Variants in TRAPPC9 observed in about 807,000 individuals in gnomAD.
TRAPPC9 encodes trafficking protein particle complex subunit 9, also known as IKK2 binding protein.
In TRAPPC9, 83 loss-of-function variants were observed where a neutral mutation model predicts 124.0. The observed-to-expected ratio is 0.67, with a 90% CI of 0.56 to 0.80. The LOEUF is 0.80. Ranked by LOEUF, TRAPPC9 falls within the 30% of genes least tolerant of loss-of-function variation. The pLI is 0.00. For missense variants in TRAPPC9, 1,302 were observed against 1,508.3 expected (o/e 0.86, Z 2.27); for synonymous variants, 638 against 617.5 (o/e 1.03, Z -0.49).
At chr8:139,981,536 C>T (rs1488364355) in intron 19 of TRAPPC9, among the ~76,000 whole-genome samples, 5 of 152,148 alleles carry the variant, frequency 3.3e-5, no homozygotes, top group East Asian at 3.9e-4. Context: ...GAAGACTGGG[C>T]GCCACACGGT....
At chr8:140,360,741 T>A (rs1006259380) in intron 8 of TRAPPC9, among the ~76,000 whole-genome samples, 1 of 152,304 alleles carries the variant, frequency 6.6e-6, no homozygotes. Context: ...GAAAAGTATC[T>A]CTTTTTTTAA....
Position 140,405,590 on chromosome 8 carries a change from G to A in TRAPPC9, c.995C>T (p.Ser332Phe), listed in dbSNP as rs2069460713. ...CCATAAAATCACCTTGCTGTAATAG[G>A]AAATCGCCTCTTTATACTTGTCAAT... ...DIIDKYKEAI[S>F]YYSKYKNAGV... Residue 332 changes from serine to phenylalanine, a missense_variant, in exon 6 of 23, where the codon TCC becomes TTC. By Grantham distance (155) the Ser-to-Phe change is radical (BLOSUM62 -2). Around this residue, in one of 3 missense-constraint regions of TRAPPC9, gnomAD observed 657 missense variants for 811.2 expected, o/e 0.81. Transcript: ENST00000438773. 1 of 1,614,118 alleles carries A rather than the reference G, an allele frequency of 6.2e-7. No homozygotes were observed. The highest frequency in any genetic ancestry group is 8.5e-7 in the Non-Finnish European group (1 of 1,180,004).
At chr8:140,425,767 C>T (rs755118875) in intron 5 of TRAPPC9, among the ~76,000 whole-genome samples, 5 of 152,262 alleles carry the variant, frequency 3.3e-5, no homozygotes, top group Admixed American at 2.0e-4. Context: ...AAAGTCTGCC[C>T]GCCTGACTGT....
chr8:139,798,757 T>TA (rs1823271321), intron 21 of TRAPPC9, among the ~76,000 whole-genome samples: 1 of 152,210 alleles, frequency 6.6e-6, no homozygotes, highest in Non-Finnish European at 1.5e-5. Context: ...ATCTGAGAAA[T>TA]ACTCTTGCAT....
In TRAPPC9 at chr8:140,439,208, C is replaced by T. The variant is rs200391637; in HGVS notation, c.585-11G>A. ...CGCTTCTTGTAATGTCTAGAAAATA[C>T]ATGAAAATGTATCTTTATTACTATA... On this transcript the variant is annotated splice_polypyrimidine_tract_variant and intron_variant, in intron 2 of 22. Transcript: ENST00000438773. 1.1e-4 allele frequency: 171 copies of T among 1,613,934 alleles called. No individual in the cohort carries two copies. Among genetic ancestry groups the T allele is most frequent in the Non-Finnish European group, 1.4e-4 (160 of 1,179,932 alleles).
Position 139,905,064 on chromosome 8 carries a change from AAAG to A in TRAPPC9, c.2964+5080_2964+5082del, listed in dbSNP as rs1831263991. 2.0e-5 allele frequency among the ~76,000 whole-genome samples: 3 copies of A among 152,314 alleles called. No homozygotes were observed. In the South Asian group the frequency reaches 6.2e-4, roughly 32 times the overall value. On this transcript the variant is annotated intron_variant, in intron 20 of 22. Coordinates refer to ENST00000438773, the MANE Select transcript of TRAPPC9 (RefSeq NM_001160372.4). ...TAGCTGGAGGGTAAGAAGAAGCTTA[AAAG>A]AAGAAGGTACCAAAGGTAGGTAGGT...
intron 19 of TRAPPC9, among the ~76,000 whole-genome samples, chr8:139,924,270 G>A (rs1228693636): frequency 6.6e-6 from 1 of 152,200 alleles, no homozygotes; most frequent in African/African-American, 2.4e-5. Context: ...AAAAGCCGCA[G>A]GCCAAGCGCT....
chr8:139,764,014 C>T (rs1012174287), intron 21 of TRAPPC9, among the ~76,000 whole-genome samples: 6 of 152,174 alleles, frequency 3.9e-5, no homozygotes, highest in African/African-American at 9.7e-5. Flanking sequence ...GTAGGTCTGC[C>T]GATGGGGGGT....
chr8:140,273,456 T>C lies in TRAPPC9; in HGVS notation c.2278+2202A>G, dbSNP rs146360049. Among the ~76,000 whole-genome samples, 197 of 152,298 alleles carry C rather than the reference T, an allele frequency of 1.3e-3. 2 individuals carry two copies. Among genetic ancestry groups the C allele is most frequent in the South Asian group, 0.012 (58 of 4,826 alleles). ...TGGGCTGCTATGCCACTAGTTCCCT[T>C]ATCCTAGAGACAGGCCGCCCGTGTT... On this transcript the variant is annotated intron_variant, in intron 15 of 22. Coordinates refer to ENST00000438773, the MANE Select transcript of TRAPPC9 (RefSeq NM_001160372.4).
intron 19 of TRAPPC9, among the ~76,000 whole-genome samples, chr8:139,974,512 A>G (rs1660667856): frequency 6.6e-6 from 1 of 152,220 alleles, no homozygotes; most frequent in Non-Finnish European, 1.5e-5. Context: ...GGTAGTTATG[A>G]TAGTCCTGAT....
intron 17 of TRAPPC9, among the ~76,000 whole-genome samples, chr8:140,125,283 G>C (rs548602932): frequency 6.6e-6 from 1 of 152,332 alleles, no homozygotes; most frequent in Non-Finnish European, 1.5e-5. Context: ...TTCTGGGAAA[G>C]ATCACTCTGG....
At chr8:139,896,847 AGC>A (rs369790424) in intron 20 of TRAPPC9, among the ~76,000 whole-genome samples, 17 of 152,190 alleles carry the variant, frequency 1.1e-4, no homozygotes, top group African/African-American at 4.1e-4. Flanking sequence ...ATGGTGCTGA[AGC>A]AGCTGCCTCC....
chr8:140,131,629 G>A lies in TRAPPC9; in HGVS notation c.2556+89830C>T, dbSNP rs143452538. Among the ~76,000 whole-genome samples the A allele has an allele frequency of 3.5e-3, 534 of 152,234 alleles. 2 individuals carry two copies. The highest frequency in any genetic ancestry group is 0.012 in the African/African-American group (495 of 41,552). On this transcript the variant is annotated intron_variant, in intron 17 of 22. Coordinates refer to ENST00000438773, the MANE Select transcript of TRAPPC9 (RefSeq NM_001160372.4). ...CCCCGTCCTAGACAACCCTGCCACCGAAAAATGAAGCACTGACTTTTTCTC... is the reference window on the plus strand; with the variant it reads ...CCCCGTCCTAGACAACCCTGCCACCAAAAAATGAAGCACTGACTTTTTCTC...
intron 9 of TRAPPC9, among the ~76,000 whole-genome samples, chr8:140,328,505 T>C (rs925265603): frequency 2.0e-5 from 3 of 151,974 alleles, no homozygotes; most frequent in Admixed American, 1.3e-4. Context: ...AAACATCATA[T>C]GTTCTCACTC....
intron 22 of TRAPPC9, among the ~76,000 whole-genome samples, chr8:139,731,655 G>A (rs1348723520): frequency 6.6e-6 from 1 of 152,116 alleles, no homozygotes; most frequent in African/African-American, 2.4e-5. Context: ...CACGGGATGG[G>A]TGACAGTGAC....
At chr8:140,429,530 T>C (rs1290904303) in intron 4 of TRAPPC9, among the ~76,000 whole-genome samples, 1 of 152,238 alleles carries the variant, frequency 6.6e-6, no homozygotes, top group Non-Finnish European at 1.5e-5. Flanking sequence ...GTTGTGAAGA[T>C]TAAAGGGTTA....
Position 140,205,490 on chromosome 8 carries a change from C to T in TRAPPC9, c.2556+15969G>A, listed in dbSNP as rs548767644. ...TCAAGTGCTCTGATCCAGAGGAAAT[C>T]GTTAAGATTAAGAACTTTAACTTAA... On this transcript the variant is annotated intron_variant, in intron 17 of 22. Coordinates refer to ENST00000438773, the MANE Select transcript of TRAPPC9 (RefSeq NM_001160372.4). 9.3e-4 allele frequency among the ~76,000 whole-genome samples: 142 copies of T among 152,262 alleles called. 1 individual carries two copies. In the Middle Eastern group the frequency reaches 0.024, roughly 26 times the overall value.
At chr8:139,917,285 A>G (rs1452919209) in intron 19 of TRAPPC9, among the ~76,000 whole-genome samples, 1 of 142,644 alleles carries the variant, frequency 7.0e-6, no homozygotes, top group Non-Finnish European at 1.5e-5. Flanking sequence ...GCCATTCTCC[A>G]TTCTCCTGCC....
chr8:140,141,172 C>T (rs532614962), intron 17 of TRAPPC9, among the ~76,000 whole-genome samples: 10 of 152,302 alleles, frequency 6.6e-5, no homozygotes, highest in African/African-American at 2.4e-4. Flanking sequence ...TCCCTTTTCC[C>T]CTGTTCACTT....
Sources: allele counts gnomAD v4.1 joint callset (sites outside exome capture counted in the v4.1 genomes callset), GRCh38; gene constraint gnomAD v4.1.1; regional missense constraint gnomAD v4.1.1; transcripts MANE v1.5; gene names NCBI Gene and HGNC (gene_info 2026-07-23, HGNC 2026-07-21).